Variants in TSPAN8 observed in about 807,000 individuals in gnomAD.
The protein encoded by TSPAN8 is tetraspanin 8.
TSPAN8 carries 21 observed loss-of-function variants against 32.8 expected under a neutral mutation model. The ratio of observed to expected loss-of-function variants is 0.64; its 90% CI spans 0.45 to 0.92. The LOEUF is 0.92. Among genes scored for constraint, TSPAN8 ranks in the 40% least tolerant of loss-of-function variants. TSPAN8 has a pLI of 0.00. For missense variants in TSPAN8, 269 were observed against 281.9 expected, an observed-to-expected ratio of 0.95 and a Z score of 0.33; for synonymous variants, 95 against 94.6, an observed-to-expected ratio of 1.00 and a Z score of -0.03.
chr12:71,149,251 C>A (rs1360002948), intron 2 of TSPAN8, among the ~76,000 whole-genome samples: 1 of 151,852 alleles, frequency 6.6e-6, no homozygotes, highest in Non-Finnish European at 1.5e-5. Flanking sequence ...GCCTGTAATC[C>A]CAGCTACTCA....
chr12:71,154,984 G>A lies in TSPAN8; in HGVS notation c.60+2635C>T, dbSNP rs137969666. ...TAATAAGGGTAAACATTGTAATGGAGCTGATCTATTGTTTCATAAGGATAC... is the reference window on the plus strand; with the variant it reads ...TAATAAGGGTAAACATTGTAATGGAACTGATCTATTGTTTCATAAGGATAC... On this transcript the variant is annotated intron_variant, in intron 2 of 8. Coordinates refer to ENST00000247829, the MANE Select transcript of TSPAN8 (RefSeq NM_004616.3). Among the ~76,000 whole-genome samples the A allele has an allele frequency of 7.9e-5, 12 of 152,330 alleles. No homozygotes were observed. The East Asian group carries it at 2.3e-3, about 29-fold the overall frequency.
At chr12:71,137,832 A>T in intron 6 of TSPAN8, 121 bp downstream of exon 6, 1 of 822,740 alleles carries the variant, frequency 1.2e-6, no homozygotes, top group Admixed American at 2.8e-5. Context: ...TGGTGACAGA[A>T]TAATCAATCA....
rs534990544 is a variant in TSPAN8 at position 71,149,609 on chromosome 12, G to A, written c.61-5396C>T. On this transcript the variant is annotated intron_variant, in intron 2 of 8. Coordinates refer to ENST00000247829, the MANE Select transcript of TSPAN8 (RefSeq NM_004616.3). ...AGGGACTGGCTGGAGCCGCGGCAGC[G>A]GAACATAAATTGTGAAGATTTCATG... 3.5e-3 allele frequency among the ~76,000 whole-genome samples: 540 copies of A among 152,282 alleles called. 2 individuals are homozygous for A. The highest frequency in any genetic ancestry group is 0.012 in the African/African-American group (486 of 41,548).
chr12:71,128,042 G>A (rs1434112849), intron 8 of TSPAN8, among the ~76,000 whole-genome samples: 1 of 152,060 alleles, frequency 6.6e-6, no homozygotes, highest in African/African-American at 2.4e-5. Context: ...AGAATACAAA[G>A]CAGAGAAATA....
chr12:71,156,279 A>AAAAAAAAAAAAAAAAAAAAAAAAAAC (rs1872437389), intron 2 of TSPAN8, among the ~76,000 whole-genome samples: 1 of 147,134 alleles, frequency 6.8e-6, no homozygotes, highest in African/African-American at 2.5e-5. Context: ...CAAACAAAAA[A>AAAAAAAAAAAAAAAAAAAAAAAAAAC]AAAACTAGAA....
chr12:71,133,480 A>G (rs1002237684), intron 6 of TSPAN8, among the ~76,000 whole-genome samples: 1 of 152,176 alleles, frequency 6.6e-6, no homozygotes, highest in African/African-American at 2.4e-5. Flanking sequence ...GAGTCAAAGA[A>G]TTGTTGCTCA....
intron 7 of TSPAN8, among the ~76,000 whole-genome samples, chr12:71,131,996 TG>T (rs1401861178): frequency 6.6e-6 from 1 of 152,186 alleles, no homozygotes; most frequent in African/African-American, 2.4e-5. Flanking sequence ...GTAGAAAGCT[TG>T]GCGCATAGGA....
rs553144268 is a variant in TSPAN8 at position 71,135,762 on chromosome 12, A to G, written c.444+2191T>C. ...AGCAGATGTTACTAGGACCCAAACC[A>G]GAGGCTCAGTGATTACCTCTAGTCT... On this transcript the variant is annotated intron_variant, in intron 6 of 8. Coordinates refer to ENST00000247829, the MANE Select transcript of TSPAN8 (RefSeq NM_004616.3). Among the ~76,000 whole-genome samples, 5 of 152,268 alleles carry G rather than the reference A, an allele frequency of 3.3e-5. No homozygotes were observed. In the East Asian group the frequency reaches 7.7e-4, roughly 24 times the overall value.
intron 7 of TSPAN8, among the ~76,000 whole-genome samples, chr12:71,129,905 T>A (rs939892791): frequency 1.5e-4 from 23 of 151,922 alleles, no homozygotes; most frequent in African/African-American, 5.6e-4. Flanking sequence ...AATAATATTG[T>A]AAATTTTCAT....
At chr12:71,157,465 C>A (rs937361097) in intron 2 of TSPAN8, 154 bp downstream of exon 2, 7 of 547,640 alleles carry the variant, frequency 1.3e-5, no homozygotes, top group Admixed American at 6.3e-5. Flanking sequence ...ACTGAAATAA[C>A]CAAAGAAAGA....
chr12:71,134,236 T>A (rs530536098), intron 6 of TSPAN8, among the ~76,000 whole-genome samples: 81 of 152,330 alleles, frequency 5.3e-4, no homozygotes, highest in African/African-American at 1.9e-3. Flanking sequence ...GCATTTGCTT[T>A]TATTGTTTTT....
At chr12:71,130,550 A>C (rs1377102738) in intron 7 of TSPAN8, among the ~76,000 whole-genome samples, 4 of 152,230 alleles carry the variant, frequency 2.6e-5, no homozygotes, top group African/African-American at 7.2e-5. Flanking sequence ...GAAATATATT[A>C]TCCCTTTGAT....
intron 2 of TSPAN8, among the ~76,000 whole-genome samples, chr12:71,148,153 T>G (rs1467711923): frequency 7.9e-5 from 12 of 152,230 alleles, no homozygotes; most frequent in Admixed American, 7.8e-4. Context: ...TTTCCAGACC[T>G]AAAATGGTTA....
chr12:71,148,541 C>T (rs1872146593), intron 2 of TSPAN8, among the ~76,000 whole-genome samples: 1 of 152,138 alleles, frequency 6.6e-6, no homozygotes, highest in Non-Finnish European at 1.5e-5. Context: ...CATCTGCATA[C>T]AGGTATGTTT....
Position 71,148,573 on chromosome 12 carries a change from A to G in TSPAN8, c.61-4360T>C, listed in dbSNP as rs718852. Among the ~76,000 whole-genome samples the G allele has an allele frequency of 8.4e-3, 1,285 of 152,248 alleles. 17 individuals carry two copies. The highest frequency in any genetic ancestry group is 0.029 in the African/African-American group (1,219 of 41,560). On this transcript the variant is annotated intron_variant, in intron 2 of 8. Transcript: ENST00000247829. Reference sequence around the variant, plus strand: ...GTTTTCAGCTCCACAAAATTTCCATATATTAATTTGATTATTATTTGTGTT... The same window carrying G: ...GTTTTCAGCTCCACAAAATTTCCATGTATTAATTTGATTATTATTTGTGTT...
rs777739682 is a variant in TSPAN8, at chr12:71,132,838, G to T, written c.445-14C>A. 1.2e-6 allele frequency: 2 copies of T among 1,613,088 alleles called. No individual in the cohort carries two copies. The highest frequency in any genetic ancestry group is 1.7e-4 in the Middle Eastern group (1 of 6,058). On this transcript the variant is annotated splice_polypyrimidine_tract_variant and intron_variant, in intron 6 of 8. Coordinates refer to ENST00000247829, the MANE Select transcript of TSPAN8 (RefSeq NM_004616.3). ...GCAGCATTTAAACTGTTTGATAAAA[G>T]GTAGAATGAGAAGCAGTCAGTAAGA...
In TSPAN8 at chr12:71,127,092, T is replaced by A. The variant is rs138319496; in HGVS notation, c.661-1705A>T. On this transcript the variant is annotated intron_variant, in intron 8 of 8. Transcript: ENST00000247829. ...TTTATATGATATTTTTCTGTGGAGATAATCTGAACATATTTTCTGCAGGAA... is the reference window on the plus strand; with the variant it reads ...TTTATATGATATTTTTCTGTGGAGAAAATCTGAACATATTTTCTGCAGGAA... Among the ~76,000 whole-genome samples, 1,519 of 152,292 alleles carry A rather than the reference T, an allele frequency of 1.0e-2. 13 individuals carry two copies. The highest frequency in any genetic ancestry group is 0.017 in the Non-Finnish European group (1,161 of 68,008).
At chr12:71,150,047 T>C (rs1565789231) in intron 2 of TSPAN8, among the ~76,000 whole-genome samples, 2 of 152,152 alleles carry the variant, frequency 1.3e-5, no homozygotes, top group African/African-American at 4.8e-5. Flanking sequence ...ATAAACAGCT[T>C]CTCCGGGAGT....
intron 2 of TSPAN8, among the ~76,000 whole-genome samples, chr12:71,149,613 C>T (rs1481571055): frequency 6.6e-6 from 1 of 152,210 alleles, no homozygotes; most frequent in African/African-American, 2.4e-5. Context: ...GGCAGCGGAA[C>T]ATAAATTGTG....
Sources: gnomAD v4.1 joint callset for allele counts (sites outside exome capture counted in the v4.1 genomes callset) on GRCh38, gnomAD v4.1.1 for gene constraint, MANE v1.5 for transcripts, NCBI Gene and HGNC (gene_info 2026-07-23, HGNC 2026-07-21) for gene names.